NR1H4: variants seen among roughly 807,000 people sequenced by gnomAD.
The protein encoded by NR1H4 is bile acid receptor.
In NR1H4, 23 loss-of-function variants were observed where a neutral mutation model predicts 58.5. That is an observed-to-expected ratio of 0.39 (90% CI 0.28 to 0.56). NR1H4 has a LOEUF of 0.56. Among genes scored for constraint, NR1H4 ranks in the 20% least tolerant of loss-of-function variants. The probability of loss-of-function intolerance (pLI) is 0.58; values close to 1 mark genes in which losing one functional copy is unlikely to be tolerated. For missense variants in NR1H4, 487 were observed against 576.9 expected (o/e 0.84, Z 1.60); for synonymous variants, 214 against 198.0 (o/e 1.08, Z -0.68).
At chr12:100,477,562 A>G (rs1186831377) in intron 1 of NR1H4, among the ~76,000 whole-genome samples, 2 of 152,190 alleles carry the variant, frequency 1.3e-5, no homozygotes, top group Non-Finnish European at 2.9e-5. Flanking sequence ...AGTCCTGTAG[A>G]TATATTTAAC....
At chr12:100,532,668 G>T in intron 5 of NR1H4, 58 bp downstream of exon 5, 1 of 1,503,222 alleles carries the variant, frequency 6.7e-7, no homozygotes, top group Non-Finnish European at 9.2e-7. Context: ...CAGATGTCAG[G>T]TAACTCATCA....
chr12:100,479,352 A>G (rs1953332436), intron 1 of NR1H4, among the ~76,000 whole-genome samples: 1 of 152,144 alleles, frequency 6.6e-6, no homozygotes, highest in African/African-American at 2.4e-5. Flanking sequence ...AATCCATCTG[A>G]GATGTATTTT....
At chr12:100,530,943 G>A (rs573122571) in intron 4 of NR1H4, among the ~76,000 whole-genome samples, 2 of 152,162 alleles carry the variant, frequency 1.3e-5, no homozygotes, top group African/African-American at 2.4e-5. Context: ...GCAGGAAGCC[G>A]GGTGGCTGAC....
At chr12:100,557,396 CA>C (rs1955354643) in intron 9 of NR1H4, among the ~76,000 whole-genome samples, 3 of 152,164 alleles carry the variant, frequency 2.0e-5, no homozygotes, top group Non-Finnish European at 2.9e-5. Context: ...GGGTCTACCC[CA>C]ATGACCCAAA....
chr12:100,477,060 C>T (rs1263314842), intron 1 of NR1H4, among the ~76,000 whole-genome samples: 1 of 152,012 alleles, frequency 6.6e-6, no homozygotes, highest in Non-Finnish European at 1.5e-5. Context: ...AATATTCATC[C>T]TTCTGTCTTT....
chr12:100,542,880 T>G (rs1302606946), intron 9 of NR1H4, among the ~76,000 whole-genome samples: 1 of 151,158 alleles, frequency 6.6e-6, no homozygotes, highest in Non-Finnish European at 1.5e-5. Flanking sequence ...TATATTAATT[T>G]ACTAGTCTAA....
intron 4 of NR1H4, among the ~76,000 whole-genome samples, chr12:100,521,422 T>A (rs1285142903): frequency 6.6e-6 from 1 of 152,234 alleles, no homozygotes; most frequent in East Asian, 1.9e-4. Context: ...TGTGCTAATG[T>A]CTGAATGAAT....
intron 4 of NR1H4, among the ~76,000 whole-genome samples, chr12:100,515,509 G>A (rs1954242687): frequency 6.6e-6 from 1 of 152,064 alleles, no homozygotes; most frequent in East Asian, 1.9e-4. Flanking sequence ...ATTTCTTGCT[G>A]CTAATGGGCA....
At chr12:100,560,580 A>C (rs1240933625) in intron 9 of NR1H4, among the ~76,000 whole-genome samples, 2 of 152,332 alleles carry the variant, frequency 1.3e-5, no homozygotes, top group African/African-American at 2.4e-5. Context: ...AACTCCGAAC[A>C]CATCTGAACA....
chr12:100,536,402 C>CTTTT, intron 6 of NR1H4, 110 bp from the exon 7 acceptor site: 2 of 557,012 alleles, frequency 3.6e-6, no homozygotes, highest in Admixed American at 2.9e-5. Flanking sequence ...GTATTTATGC[C>CTTTT]TTTTTTTTTT....
At chr12:100,529,184 C>A (rs77723443) in intron 4 of NR1H4, among the ~76,000 whole-genome samples, 2,804 of 152,264 alleles carry the variant, frequency 0.018, 70 homozygotes, top group African/African-American at 0.055. Context: ...ACAAGCAAGT[C>A]CATGACTTTC....
At chr12:100,495,210 G>C (rs578030067) in intron 3 of NR1H4, among the ~76,000 whole-genome samples, 1 of 152,146 alleles carries the variant, frequency 6.6e-6, no homozygotes, top group African/African-American at 2.4e-5. Context: ...CTGCATTTAA[G>C]GTTTCTGAGA....
At chr12:100,539,713 G>T (rs188979533) in intron 8 of NR1H4, among the ~76,000 whole-genome samples, 1 of 152,130 alleles carries the variant, frequency 6.6e-6, no homozygotes, top group Non-Finnish European at 1.5e-5. Context: ...GAAAAACAAG[G>T]CCTCTGCCCC....
intron 4 of NR1H4, among the ~76,000 whole-genome samples, chr12:100,518,529 GTTGGAA>G (rs1263399546): frequency 6.6e-6 from 1 of 152,162 alleles, no homozygotes; most frequent in Non-Finnish European, 1.5e-5. Flanking sequence ...GAGAGGATGG[GTTGGAA>G]CCAGGCAGGG....
At chr12:100,481,177 G>A (rs575396942) in intron 1 of NR1H4, among the ~76,000 whole-genome samples, 23 of 152,172 alleles carry the variant, frequency 1.5e-4, no homozygotes, top group African/African-American at 5.3e-4. Context: ...TTGTAAGAGC[G>A]TGTGGAAAGG....
intron 9 of NR1H4, among the ~76,000 whole-genome samples, chr12:100,548,332 A>C (rs1433241896): frequency 6.7e-6 from 1 of 150,178 alleles, no homozygotes; most frequent in Non-Finnish European, 1.5e-5. Flanking sequence ...GCACCACTGC[A>C]CTCCAGCCTG....
At position 100,518,788 on chromosome 12, in the gene NR1H4, CTTTTTT is replaced by C. The variant is rs34055370; in HGVS notation, c.445+7662_445+7667del. 9.2e-5 allele frequency among the ~76,000 whole-genome samples: 11 copies of C among 119,272 alleles called. No homozygotes were observed. In the East Asian group the frequency reaches 1.5e-3, roughly 16 times the overall value. 78.2% of individuals were successfully genotyped at this position (119,272 alleles called of 152,430 possible). A position where few individuals can be genotyped will look rare whatever the true frequency, so the allele number is the denominator to read the frequency against. ...GCTGAACACTGTTCTTGACCAATGA[CTTTTTT>C]TTTTTTTTTTTTTTTTGAGATGGAC... is the stretch of plus-strand genomic sequence containing the variant. On this transcript the variant is annotated intron_variant, in intron 4 of 10. Transcript: ENST00000392986.
At chr12:100,520,858 G>A (rs1954398364) in intron 4 of NR1H4, among the ~76,000 whole-genome samples, 2 of 152,152 alleles carry the variant, frequency 1.3e-5, no homozygotes, top group South Asian at 4.1e-4. Context: ...CTGCCTCTCT[G>A]GTAATAGGAT....
intron 4 of NR1H4, among the ~76,000 whole-genome samples, chr12:100,520,727 C>T (rs183719253): frequency 4.6e-5 from 7 of 152,300 alleles, no homozygotes; most frequent in East Asian, 3.9e-4. Flanking sequence ...GTAGAAACAA[C>T]GGAAGAACAG....
Sources: allele counts gnomAD v4.1 joint callset (sites outside exome capture counted in the v4.1 genomes callset), GRCh38; gene constraint gnomAD v4.1.1; transcripts MANE v1.5; gene names NCBI Gene and HGNC (gene_info 2026-07-23, HGNC 2026-07-21).